The following LRFN5 variants were observed in gnomAD, a reference collection of about 807,000 sequenced individuals.
LRFN5 encodes the protein leucine-rich repeat and fibronectin type-III domain-containing protein 5.
A neutral mutation model predicts 45.6 loss-of-function variants in LRFN5; 24 were observed. The ratio of observed to expected loss-of-function variants is 0.53; its 90% CI spans 0.38 to 0.74. LRFN5 has a LOEUF of 0.74. LRFN5 is among the 30% of genes least tolerant of loss of function. The probability of loss-of-function intolerance (pLI) is 0.00; values close to 1 mark genes in which losing one functional copy is unlikely to be tolerated. For missense variants in LRFN5, 776 were observed against 861.5 expected (o/e 0.90, Z 1.24); for synonymous variants, 340 against 313.8 (o/e 1.08, Z -0.88).
rs541072780 is a variant in LRFN5 at position 41,845,326 on chromosome 14, C to T, written c.-20-41280C>T. 3.3e-5 allele frequency among the ~76,000 whole-genome samples: 5 copies of T among 152,140 alleles called. No homozygotes were observed. The South Asian group carries it at 1.0e-3, about 32-fold the overall frequency. On this transcript the variant is annotated intron_variant, in intron 2 of 5. Coordinates refer to ENST00000298119, the MANE Select transcript of LRFN5 (RefSeq NM_152447.5). The stretch of plus-strand genomic sequence containing the variant: ...GTCTTTTATTAGAAAAGATTGTATA[C>T]ATTTAATAGACTATATCTGCATTTA...
At chr14:41,856,383 A>T (rs1269033118) in intron 2 of LRFN5, among the ~76,000 whole-genome samples, 1 of 152,180 alleles carries the variant, frequency 6.6e-6, no homozygotes, top group Non-Finnish European at 1.5e-5. Context: ...TAAATAGTGC[A>T]TAGCCTTTTC....
At chr14:41,740,278 G>A (rs571863563) in intron 1 of LRFN5, among the ~76,000 whole-genome samples, 8 of 151,952 alleles carry the variant, frequency 5.3e-5, no homozygotes, top group Non-Finnish European at 8.8e-5. Flanking sequence ...TGATAAATAT[G>A]GAGCAAAAAT....
rs924835664 is a variant in LRFN5, at chr14:41,668,113, A to G, written c.-197+59551A>G. Among the ~76,000 whole-genome samples, 6 of 152,284 alleles carry G rather than the reference A, an allele frequency of 3.9e-5. No individual in the cohort carries two copies. In the South Asian group the frequency reaches 8.3e-4, roughly 21 times the overall value. ...GGTCACTTGAGAAATAAATGTTAAT[A>G]TAAGGGAGGTGCTTAGAATAGCATA... is the stretch of plus-strand genomic sequence containing the variant. On this transcript the variant is annotated intron_variant, in intron 1 of 5. Transcript: ENST00000298119.
At chr14:41,712,909 T>C (rs746076937) in intron 1 of LRFN5, among the ~76,000 whole-genome samples, 11 of 151,862 alleles carry the variant, frequency 7.2e-5, no homozygotes, top group Non-Finnish European at 1.5e-4. Context: ...TACATTTTAC[T>C]CCACAAATAT....
intron 1 of LRFN5, among the ~76,000 whole-genome samples, chr14:41,758,679 A>G (rs1271433428): frequency 6.6e-6 from 1 of 152,182 alleles, no homozygotes; most frequent in Non-Finnish European, 1.5e-5. Flanking sequence ...TGCAAACATT[A>G]TTTTGTATTC....
chr14:41,807,333 A>C (rs1887559829), intron 2 of LRFN5, among the ~76,000 whole-genome samples: 2 of 152,138 alleles, frequency 1.3e-5, no homozygotes, highest in South Asian at 4.1e-4. Context: ...GGACACATTA[A>C]AGTATAGAAA....
chr14:41,655,732 G>T (rs886681335), intron 1 of LRFN5, among the ~76,000 whole-genome samples: 3 of 151,956 alleles, frequency 2.0e-5, no homozygotes, highest in Non-Finnish European at 4.4e-5. Context: ...GTAGGCAGTG[G>T]GAGGTGGTTA....
chr14:41,646,348 T>C (rs1879819342), intron 1 of LRFN5, among the ~76,000 whole-genome samples: 1 of 152,190 alleles, frequency 6.6e-6, no homozygotes, highest in Non-Finnish European at 1.5e-5. Context: ...GAAATTTCTT[T>C]CTATTCCTAT....
At position 41,770,155 on chromosome 14, in the gene LRFN5, A is replaced by C. The variant is rs180887980; in HGVS notation, c.-21+3126A>C. Among the ~76,000 whole-genome samples the C allele has an allele frequency of 5.3e-4, 81 of 152,266 alleles. 1 individual carries two copies. Among genetic ancestry groups the C allele is most frequent in the Admixed American group, 1.7e-3 (26 of 15,296 alleles). ...GAACTAACTGACCAGGAATTTACTC[A>C]TCACCAAGGAGCCATTCATGAGGTA... On this transcript the variant is annotated intron_variant, in intron 2 of 5. Transcript: ENST00000298119.
intron 1 of LRFN5, among the ~76,000 whole-genome samples, chr14:41,675,262 T>C (rs1325324602): frequency 2.7e-5 from 4 of 150,738 alleles, no homozygotes; most frequent in African/African-American, 9.8e-5. Flanking sequence ...GGGTGGGAGG[T>C]GGAGGTTGTA....
chr14:41,788,396 A>T (rs1886804491), intron 2 of LRFN5, among the ~76,000 whole-genome samples: 1 of 152,012 alleles, frequency 6.6e-6, no homozygotes, highest in South Asian at 2.1e-4. Context: ...TATTCCTCTT[A>T]AAGTTTTATC....
intron 1 of LRFN5, among the ~76,000 whole-genome samples, chr14:41,666,762 C>T (rs963490847): frequency 1.3e-5 from 2 of 152,092 alleles, no homozygotes; most frequent in African/African-American, 2.4e-5. Context: ...TGGATGAGCT[C>T]TTCAGCCATT....
chr14:41,818,331 T>C (rs2139006943), intron 2 of LRFN5, among the ~76,000 whole-genome samples: 1 of 152,206 alleles, frequency 6.6e-6, no homozygotes, highest in South Asian at 2.1e-4. Context: ...AATTTTTGAT[T>C]TGTGAATCAA....
intron 1 of LRFN5, among the ~76,000 whole-genome samples, chr14:41,655,675 T>C (rs541491455): frequency 1.3e-5 from 2 of 151,998 alleles, no homozygotes; most frequent in Non-Finnish European, 2.9e-5. Context: ...ACAGAGGAGT[T>C]TGGAGGCTAT....
chr14:41,663,588 A>T (rs537542882), intron 1 of LRFN5, among the ~76,000 whole-genome samples: 1 of 152,150 alleles, frequency 6.6e-6, no homozygotes, highest in South Asian at 2.1e-4. Context: ...ATGGAATCTC[A>T]TTTTCCTCCG....
intron 1 of LRFN5, among the ~76,000 whole-genome samples, chr14:41,667,447 G>C (rs888714782): frequency 2.6e-5 from 4 of 152,076 alleles, no homozygotes; most frequent in Non-Finnish European, 2.9e-5. Context: ...AATGTGCCTC[G>C]TGTGACTGAG....
intron 2 of LRFN5, among the ~76,000 whole-genome samples, chr14:41,833,578 G>A (rs906086521): frequency 8.5e-5 from 13 of 152,102 alleles, no homozygotes; most frequent in Non-Finnish European, 1.2e-4. Context: ...CTTCGTCATT[G>A]TCTTTCAATG....
intron 1 of LRFN5, among the ~76,000 whole-genome samples, chr14:41,709,351 T>C (rs987537843): frequency 6.6e-6 from 1 of 152,058 alleles, no homozygotes; most frequent in African/African-American, 2.4e-5. Flanking sequence ...CAAAATGAGA[T>C]GACCTAACCT....
chr14:41,667,301 A>G (rs1236304938), intron 1 of LRFN5, among the ~76,000 whole-genome samples: 1 of 152,180 alleles, frequency 6.6e-6, no homozygotes, highest in South Asian at 2.1e-4. Flanking sequence ...ATTGTAGTCA[A>G]TTCTTGATAA....
Sources: allele counts gnomAD v4.1 joint callset (sites outside exome capture counted in the v4.1 genomes callset), GRCh38; gene constraint gnomAD v4.1.1; transcripts MANE v1.5; gene names NCBI Gene and HGNC (gene_info 2026-07-23, HGNC 2026-07-21).